The following RABGAP1L variants were observed in gnomAD, a reference collection of about 807,000 sequenced individuals.
RABGAP1L encodes the protein RAB GTPase activating protein 1 like, also known as rab GTPase-activating protein 1-like.
Under a neutral mutation model 137.7 loss-of-function variants are expected in RABGAP1L, and 63 were observed. The observed-to-expected ratio is 0.46, with a 90% confidence interval of 0.37 to 0.56. The LOEUF (loss-of-function observed/expected upper bound fraction) is 0.56. Ranked by LOEUF, RABGAP1L falls within the 20% of genes least tolerant of loss-of-function variation. RABGAP1L has a pLI of 0.00. For synonymous variants in RABGAP1L, 431 were observed against 433.7 expected (o/e 0.99, Z 0.08); for missense variants, 1,095 against 1,244.0 (o/e 0.88, Z 1.80).
intron 20 of RABGAP1L, among the ~76,000 whole-genome samples, chr1:174,962,201 C>A (rs1420490901): frequency 9.3e-6 from 1 of 108,062 alleles, no homozygotes; most frequent in Non-Finnish European, 2.0e-5. Context: ...AATACACCCC[C>A]CCCCCACACA....
chr1:174,539,053 T>C (rs969299324), intron 13 of RABGAP1L, among the ~76,000 whole-genome samples: 1 of 152,180 alleles, frequency 6.6e-6, no homozygotes, highest in Non-Finnish European at 1.5e-5. Flanking sequence ...GATTTGAACT[T>C]AAGTTTCCTC....
intron 18 of RABGAP1L, among the ~76,000 whole-genome samples, chr1:174,799,297 T>C (rs1364290294): frequency 2.6e-5 from 4 of 152,202 alleles, no homozygotes; most frequent in East Asian, 1.9e-4. Flanking sequence ...ACACTTCAAC[T>C]TGAGGGTGTG....
intron 1 of RABGAP1L, among the ~76,000 whole-genome samples, chr1:174,197,667 G>A (rs1667799022): frequency 6.6e-6 from 1 of 152,078 alleles, no homozygotes; most frequent in Non-Finnish European, 1.5e-5. Context: ...GGCATTGGTT[G>A]CGGGCGCATG....
chr1:174,480,842 T>G (rs1270463306), intron 13 of RABGAP1L, among the ~76,000 whole-genome samples: 2 of 152,208 alleles, frequency 1.3e-5, no homozygotes, highest in African/African-American at 4.8e-5. Context: ...CCAAATGACC[T>G]TTTTGGGGTG....
At chr1:174,680,763 G>A (rs1306034781) in intron 14 of RABGAP1L, among the ~76,000 whole-genome samples, 1 of 151,934 alleles carries the variant, frequency 6.6e-6, no homozygotes, top group African/African-American at 2.4e-5. Context: ...GGTGTGGTGG[G>A]GCAGCCTGTA....
chr1:174,500,405 T>A (rs937663914), intron 13 of RABGAP1L, among the ~76,000 whole-genome samples: 4 of 152,132 alleles, frequency 2.6e-5, no homozygotes, highest in Non-Finnish European at 5.9e-5. Context: ...AGTGGAACGC[T>A]GTTCATTGTA....
chr1:174,374,204 T>C (rs998824419), intron 12 of RABGAP1L, among the ~76,000 whole-genome samples: 2 of 152,180 alleles, frequency 1.3e-5, no homozygotes, highest in Admixed American at 6.5e-5. Context: ...CACTTCAAGT[T>C]ATTTGCTGGG....
intron 1 of RABGAP1L, among the ~76,000 whole-genome samples, chr1:174,184,176 C>G (rs1208063808): frequency 1.3e-5 from 2 of 152,160 alleles, no homozygotes; most frequent in Non-Finnish European, 2.9e-5. Flanking sequence ...AGATTGGCTT[C>G]TTTCACCTAG....
At chr1:174,767,549 A>T (rs1455965819) in intron 18 of RABGAP1L, among the ~76,000 whole-genome samples, 4 of 148,156 alleles carry the variant, frequency 2.7e-5, no homozygotes, top group African/African-American at 1.0e-4. Context: ...TTTGAGACGG[A>T]GTCTCACCCT....
chr1:174,944,274 CAAAA>C (rs56225773), intron 19 of RABGAP1L, among the ~76,000 whole-genome samples: 1 of 50,872 alleles, frequency 2.0e-5, no homozygotes. Context: ...AAGACTGTCT[CAAAA>C]AAAAAAAAAA....
At chr1:174,193,607 G>A (rs1175259729) in intron 1 of RABGAP1L, among the ~76,000 whole-genome samples, 1 of 152,148 alleles carries the variant, frequency 6.6e-6, no homozygotes, top group Non-Finnish European at 1.5e-5. Context: ...GGAAACAAAA[G>A]ACTACAATTG....
At chr1:174,633,016 T>G (rs1365926659) in intron 13 of RABGAP1L, among the ~76,000 whole-genome samples, 2 of 152,156 alleles carry the variant, frequency 1.3e-5, no homozygotes, top group Non-Finnish European at 2.9e-5. Flanking sequence ...TTCCCCATCT[T>G]TGGAAGTTCT....
chr1:174,438,516 G>C (rs538779576), intron 13 of RABGAP1L, among the ~76,000 whole-genome samples: 1 of 151,756 alleles, frequency 6.6e-6, no homozygotes. Flanking sequence ...TCAGGAGTTT[G>C]AGGCCAGCCT....
chr1:174,230,634 G>A (rs1316021333), intron 3 of RABGAP1L, among the ~76,000 whole-genome samples: 1 of 152,142 alleles, frequency 6.6e-6, no homozygotes, highest in Non-Finnish European at 1.5e-5. Flanking sequence ...GCCATCTGGG[G>A]AGATATGTGC....
intron 10 of RABGAP1L, among the ~76,000 whole-genome samples, chr1:174,286,762 T>G (rs540916741): frequency 6.6e-6 from 1 of 152,278 alleles, no homozygotes; most frequent in South Asian, 2.1e-4. Context: ...CCATTTTGTT[T>G]TGTCTTAGAT....
chr1:174,497,316 G>A (rs1203186083), intron 13 of RABGAP1L, among the ~76,000 whole-genome samples: 1 of 152,124 alleles, frequency 6.6e-6, no homozygotes. Context: ...TATGTATCCA[G>A]CACTGTGCCC....
In RABGAP1L at chr1:174,371,056, G is replaced by C. The variant is rs777347245; in HGVS notation, c.1543G>C (p.Glu515Gln). Residue 515 changes from glutamate to glutamine, a missense_variant, in exon 12 of 26, where the codon GAG (glutamate) becomes CAG (glutamine). Glu to Gln is a conservative substitution (Grantham distance 29). Coordinates refer to ENST00000681986, the MANE Select transcript of RABGAP1L (RefSeq NM_001366446.1). ...CPEKILYSWG[E>Q]LLGKWHSNLG... ...TGAGAAGATCCTGTATTCTTGGGGA[G>C]AGTTGCTAGGAAAATGGTAAAATTT... is the stretch of plus-strand genomic sequence containing the variant. 2.7e-6 allele frequency: 4 copies of C among 1,494,048 alleles called. No homozygotes were observed. The highest frequency in any genetic ancestry group is 3.6e-6 in the Non-Finnish European group (4 of 1,101,010). The allele number at this position is 1,494,048 out of a possible 1,614,324, so 92.5% of individuals were successfully genotyped here.
At chr1:174,382,975 A>T (rs1309070848) in intron 12 of RABGAP1L, among the ~76,000 whole-genome samples, 1 of 150,578 alleles carries the variant, frequency 6.6e-6, no homozygotes, top group Non-Finnish European at 1.5e-5. Context: ...TTCGGTGTGG[A>T]TGTCCTTTCT....
At chr1:174,465,614 A>C (rs1657210493) in intron 13 of RABGAP1L, among the ~76,000 whole-genome samples, 1 of 152,178 alleles carries the variant, frequency 6.6e-6, no homozygotes, top group African/African-American at 2.4e-5. Flanking sequence ...AAAGTATTCT[A>C]TATTAAGATG....
Sources: gnomAD v4.1 joint callset for allele counts (sites outside exome capture counted in the v4.1 genomes callset) on GRCh38, gnomAD v4.1.1 for gene constraint, MANE v1.5 for transcripts, NCBI Gene and HGNC (gene_info 2026-07-23, HGNC 2026-07-21) for gene names.